PCDH9: variants seen among roughly 807,000 people sequenced by gnomAD.
PCDH9 encodes protocadherin 9.
PCDH9 carries 24 observed loss-of-function variants against 70.6 expected under a neutral mutation model. That is an observed-to-expected ratio of 0.34 (90% confidence interval 0.25 to 0.48). The LOEUF is 0.48. Among genes scored for constraint, PCDH9 ranks in the 20% least tolerant of loss-of-function variants. The pLI is 0.99. For missense variants in PCDH9, 1,281 were observed against 1,503.6 expected (o/e 0.85, Z 2.45); for synonymous variants, 562 against 558.5 (o/e 1.01, Z -0.09).
chr13:66,694,655 GAT>G (rs1457783505), intron 3 of PCDH9, among the ~76,000 whole-genome samples: 1 of 151,648 alleles, frequency 6.6e-6, no homozygotes, highest in Non-Finnish European at 1.5e-5. Flanking sequence ...TAATAAAAAA[GAT>G]ATGAAAACAT....
chr13:66,825,399 C>G (rs1342382556), intron 3 of PCDH9, among the ~76,000 whole-genome samples: 1 of 137,094 alleles, frequency 7.3e-6, no homozygotes, highest in Non-Finnish European at 1.5e-5. Context: ...TGCAGTGGCG[C>G]GATCTCGACT....
intron 3 of PCDH9, among the ~76,000 whole-genome samples, chr13:66,824,875 A>G (rs2080790422): frequency 1.3e-5 from 2 of 151,634 alleles, no homozygotes; most frequent in African/African-American, 2.4e-5. Flanking sequence ...AAATCTGTCT[A>G]AAAGACTCTA....
chr13:66,369,007 TGC>T (rs1956600596), intron 4 of PCDH9, among the ~76,000 whole-genome samples: 2 of 152,144 alleles, frequency 1.3e-5, no homozygotes, highest in African/African-American at 4.8e-5. Flanking sequence ...TGTGTGGAGA[TGC>T]AGCCAAGCCA....
At chr13:66,955,566 C>T (rs1191430725) in intron 2 of PCDH9, among the ~76,000 whole-genome samples, 1 of 152,090 alleles carries the variant, frequency 6.6e-6, no homozygotes, top group Non-Finnish European at 1.5e-5. Context: ...TTGAGAAAGA[C>T]ACATCAGCCT....
At chr13:66,499,863 G>A (rs1959167607) in intron 4 of PCDH9, among the ~76,000 whole-genome samples, 1 of 152,168 alleles carries the variant, frequency 6.6e-6, no homozygotes, top group Admixed American at 6.6e-5. Context: ...TCACAAGAGA[G>A]CTGGTTGTTT....
chr13:67,190,847 G>A (rs1422795261), intron 2 of PCDH9, among the ~76,000 whole-genome samples: 1 of 151,960 alleles, frequency 6.6e-6, no homozygotes, highest in Non-Finnish European at 1.5e-5. Context: ...GTTCTTGATC[G>A]TTTCCAATAA....
At chr13:66,445,108 TTA>T (rs1958047577) in intron 4 of PCDH9, among the ~76,000 whole-genome samples, 1 of 147,346 alleles carries the variant, frequency 6.8e-6, no homozygotes, top group East Asian at 1.9e-4. Context: ...ATAATGTATA[TTA>T]TATAATTTTA....
chr13:66,425,417 C>A (rs1267376093), intron 4 of PCDH9, among the ~76,000 whole-genome samples: 1 of 151,528 alleles, frequency 6.6e-6, no homozygotes, highest in African/African-American at 2.4e-5. Context: ...ATAATAAAAG[C>A]AAGAATTGAA....
At chr13:67,153,905 C>G (rs182730272) in intron 2 of PCDH9, among the ~76,000 whole-genome samples, 1 of 152,280 alleles carries the variant, frequency 6.6e-6, no homozygotes, top group East Asian at 1.9e-4. Flanking sequence ...CAATACCAGT[C>G]TCATCTGGGC....
At chr13:67,059,910 C>T (rs1408430592) in intron 2 of PCDH9, among the ~76,000 whole-genome samples, 6 of 146,948 alleles carry the variant, frequency 4.1e-5, no homozygotes, top group Non-Finnish European at 7.4e-5. Context: ...GCATGACAGC[C>T]CACCACTTCA....
chr13:66,558,156 AAAACAAAC>A (rs756297901), intron 4 of PCDH9, among the ~76,000 whole-genome samples: 1 of 152,158 alleles, frequency 6.6e-6, no homozygotes, highest in Non-Finnish European at 1.5e-5. Flanking sequence ...CCCTGTCTCT[AAAACAAAC>A]AAACAAACAA....
intron 2 of PCDH9, among the ~76,000 whole-genome samples, chr13:67,048,584 C>T (rs369839374): frequency 1.4e-4 from 22 of 152,304 alleles, no homozygotes; most frequent in African/African-American, 4.1e-4. Flanking sequence ...AGAAATCAGA[C>T]TGCATGGGAA....
intron 4 of PCDH9, among the ~76,000 whole-genome samples, chr13:66,582,818 T>C (rs1339954194): frequency 2.0e-5 from 3 of 152,190 alleles, no homozygotes; most frequent in African/African-American, 4.8e-5. Flanking sequence ...GAAGGTACTA[T>C]GAAGTCCAGT....
intron 4 of PCDH9, among the ~76,000 whole-genome samples, chr13:66,365,776 T>C (rs1593863997): frequency 6.6e-6 from 1 of 152,192 alleles, no homozygotes; most frequent in Admixed American, 6.6e-5. Flanking sequence ...TAGTGTCTAA[T>C]ACATTGCTTG....
At chr13:66,815,213 C>T (rs1202110226) in intron 3 of PCDH9, among the ~76,000 whole-genome samples, 1 of 151,988 alleles carries the variant, frequency 6.6e-6, no homozygotes, top group Non-Finnish European at 1.5e-5. Flanking sequence ...AAATCAAAAC[C>T]ACAATGAGAT....
rs1315387931 is a variant in PCDH9 at position 66,511,528 on chromosome 13, C to G, written c.3340+119682G>C. Among the ~76,000 whole-genome samples, 8 of 151,860 alleles carry G rather than the reference C, an allele frequency of 5.3e-5. No individual in the cohort carries two copies. The East Asian group carries it at 9.6e-4, about 18-fold the overall frequency. ...ATGATTATGATGGTAGTGGTGCTAT[C>G]AATTGATCAAGTCATGATAACTGAT... On this transcript the variant is annotated intron_variant, in intron 4 of 4. Coordinates refer to ENST00000377865, the MANE Select transcript of PCDH9 (RefSeq NM_203487.3).
chr13:66,664,956 A>G (rs888060858), intron 3 of PCDH9, among the ~76,000 whole-genome samples: 1 of 152,142 alleles, frequency 6.6e-6, no homozygotes, highest in Admixed American at 6.5e-5. Context: ...GCTAGTCCCT[A>G]CATAATAAAA....
At chr13:67,040,070 A>G (rs1013127676) in intron 2 of PCDH9, among the ~76,000 whole-genome samples, 1 of 152,256 alleles carries the variant, frequency 6.6e-6, no homozygotes, top group Non-Finnish European at 1.5e-5. Flanking sequence ...CTTACACAAT[A>G]GCAATCACAT....
chr13:66,343,139 G>A (rs532135717), intron 4 of PCDH9, among the ~76,000 whole-genome samples: 2 of 152,274 alleles, frequency 1.3e-5, no homozygotes, highest in South Asian at 4.1e-4. Flanking sequence ...TAGTTACAAT[G>A]CAGATGTTCT....
Sources: allele counts gnomAD v4.1 joint callset (sites outside exome capture counted in the v4.1 genomes callset), GRCh38; gene constraint gnomAD v4.1.1; transcripts MANE v1.5; gene names NCBI Gene and HGNC (gene_info 2026-07-23, HGNC 2026-07-21).